The following ZNF577 variants were observed in gnomAD, a reference collection of about 807,000 sequenced individuals.
ZNF577 encodes the protein zinc finger protein 577.
A neutral mutation model predicts 13.9 loss-of-function variants in ZNF577; 14 were observed. The ratio of observed to expected loss-of-function variants is 1.00; its 90% CI spans 0.66 to 1.57. The LOEUF (loss-of-function observed/expected upper bound fraction) is 1.57, where lower values mean the gene tolerates loss of function less well. Among genes scored for constraint, ZNF577 ranks in the 40% most tolerant of loss-of-function variants. The pLI is 0.00. For missense variants in ZNF577, 555 were observed against 579.2 expected (o/e 0.96, Z 0.43); for synonymous variants, 203 against 202.9 (o/e 1.00, Z 0.00).
downstream of ZNF577, among the ~76,000 whole-genome samples, chr19:51,863,778 G>T (rs2084529657): frequency 6.6e-6 from 1 of 152,278 alleles, no homozygotes. Flanking sequence ...GAATGTAAAA[G>T]AGATAAACAG....
intron 9 of ZNF577, among the ~76,000 whole-genome samples, chr19:51,828,963 C>A (rs2084246476): frequency 6.6e-6 from 1 of 152,080 alleles, no homozygotes; most frequent in South Asian, 2.1e-4. Context: ...TCTAATCAGG[C>A]CCCTGGTGAC....
Position 51,873,278 on chromosome 19 carries a change from C to CT in ZNF577, c.711dup (p.Gly238ArgfsTer22). 4 of 1,613,308 alleles carry CT rather than the reference C, an allele frequency of 2.5e-6. No homozygotes were observed. Among genetic ancestry groups the CT allele is most frequent in the Non-Finnish European group, 3.4e-6 (4 of 1,179,318 alleles). On this transcript the variant is annotated frameshift_variant, in exon 6 of 6. Transcript: ENST00000638348. LOFTEE classifies it low-confidence loss of function (END_TRUNC). ...TTGCTGCATCTGTAGGGTTTCTCTCCTGTATGGGTTCTCTGATGGACCATG... is the reference window on the plus strand; with the variant it reads ...TTGCTGCATCTGTAGGGTTTCTCTCCTTGTATGGGTTCTCTGATGGACCATG...
chr19:51,842,350 A>G (rs574089708), intron 8 of ZNF577, among the ~76,000 whole-genome samples: 3 of 152,300 alleles, frequency 2.0e-5, no homozygotes, highest in Admixed American at 2.0e-4. Context: ...GGAGGTGTCT[A>G]GGTCATGAGG....
chr19:51,879,280 A>C (rs1382014642), intron 3 of ZNF577, among the ~76,000 whole-genome samples: 1 of 149,938 alleles, frequency 6.7e-6, no homozygotes, highest in African/African-American at 2.5e-5. Context: ...AAAAAAAAGT[A>C]ATAATATGGC....
At chr19:51,848,136 C>T (rs2084363231) in intron 5 of ZNF577, among the ~76,000 whole-genome samples, 1 of 152,204 alleles carries the variant, frequency 6.6e-6, no homozygotes, top group African/African-American at 2.4e-5. Flanking sequence ...CTTCTAAAGA[C>T]CTCTCATCCT....
Position 51,877,347 on chromosome 19 carries a change from A to T in ZNF577, c.218T>A (p.Phe73Tyr), listed in dbSNP as rs1349027046. The T allele has an allele frequency of 1.2e-6, 2 of 1,613,996 alleles. No homozygotes were observed. The highest frequency in any genetic ancestry group is 1.7e-6 in the Non-Finnish European group (2 of 1,180,016). ...GYRGTKPDSL[F>Y]KLEQGEPPGI... is the part of the protein sequence containing the mutation. ...TGGGGGTTCTCCTTGCTCCAACTTG[A>T]AGAGCGAATCTGGCTTGGTGCCTCG... Residue 73 changes from phenylalanine (F) to tyrosine (Y), a missense_variant, in exon 5 of 6, where the codon TTC becomes TAC. Transcript: ENST00000638348.
At position 51,872,764 on chromosome 19, in the gene ZNF577, G is replaced by C. The variant is rs1325808532; in HGVS notation, c.1226C>G (p.Thr409Ser). The C allele has an allele frequency of 1.2e-6, 2 of 1,614,214 alleles. No homozygotes were observed. Among genetic ancestry groups the C allele is most frequent in the South Asian group, 2.2e-5 (2 of 91,084 alleles). The change falls in exon 6 of 6, where the codon ACT (threonine) becomes AGT (serine). Residue 409 changes from threonine to serine, a missense_variant. Coordinates refer to ENST00000638348, the MANE Select transcript of ZNF577 (RefSeq NM_001370449.1). ...YMSELIQEQK[T>S]VNTVPIEMPS... is the part of the protein sequence containing the mutation. ...CATTTCTATAGGTACTGTGTTCACAGTCTTTTGCTCTTGTATGAGTTCGCT... is the reference window on the plus strand; with the variant it reads ...CATTTCTATAGGTACTGTGTTCACACTCTTTTGCTCTTGTATGAGTTCGCT...
In ZNF577 at chr19:51,877,373, A is replaced by G. The variant is rs375907992; in HGVS notation, c.192T>C (p.Tyr64=). 1 of 1,613,894 alleles carries G rather than the reference A, an allele frequency of 6.2e-7. No individual in the cohort carries two copies. Among genetic ancestry groups the G allele is most frequent in the Non-Finnish European group, 8.5e-7 (1 of 1,179,848 alleles). The change falls in exon 5 of 6, where the codon TAT becomes TAC. Residue 64 remains tyrosine, a synonymous_variant. Transcript: ENST00000638348. ...ENYINLVSIG[Y]RGTKPDSLFK... Reference sequence around the variant, plus strand: ...AGAGCGAATCTGGCTTGGTGCCTCGATACCCTGTAAATGGGAGATCACTGA... The same window carrying G: ...AGAGCGAATCTGGCTTGGTGCCTCGGTACCCTGTAAATGGGAGATCACTGA...
Position 51,815,252 on chromosome 19 carries a change from T to C in ZNF577, c.*600-3578A>G, listed in dbSNP as rs2084126809. ...ACTTTCAGGAAGGGGAAGTGGGGAC[T>C]GGAGATTGAGCTCTATAAAAAAATG... On this transcript the variant is annotated intron_variant and NMD_transcript_variant, in intron 9 of 10. Transcript: ENST00000638827. 3.3e-5 allele frequency among the ~76,000 whole-genome samples: 5 copies of C among 152,206 alleles called. No individual in the cohort carries two copies. The South Asian group carries it at 1.0e-3, about 32-fold the overall frequency.
At chr19:51,866,268 G>C (rs1296096602), downstream of ZNF577, among the ~76,000 whole-genome samples, 1 of 151,992 alleles carries the variant, frequency 6.6e-6, no homozygotes, top group Non-Finnish European at 1.5e-5. Context: ...CAGCTCGGCA[G>C]ATTCAACATC....
rs2122499477 is a variant in ZNF577 at position 51,824,338 on chromosome 19, T to C, written c.*600-12664A>G. 3 of 1,614,190 alleles carry C rather than the reference T, an allele frequency of 1.9e-6. No individual in the cohort carries two copies. The highest frequency in any genetic ancestry group is 1.3e-5 in the African/African-American group (1 of 75,072). On this transcript the variant is annotated intron_variant and NMD_transcript_variant, in intron 9 of 10. Coordinates refer to the ZNF577 transcript ENST00000638827. This position sits in a 1 kb window ranked among gnomAD's most constrained non-coding sequence, Gnocchi z 4.7. The stretch of plus-strand genomic sequence containing the variant: ...GAGAGGTTGAACGTGTTCATTACCA[T>C]GGCCAAGGTCTTTCTGATCCTCCAC...
intron 5 of ZNF577, chr19:51,861,256 T>C (rs2084497260): frequency 4.5e-6 from 1 of 222,214 alleles, no homozygotes; most frequent in Non-Finnish European, 8.2e-6. Flanking sequence ...GTAGTTAGGA[T>C]TACAGGTGTG....
At chr19:51,847,867 C>T (rs142637644) in intron 5 of ZNF577, among the ~76,000 whole-genome samples, 2 of 152,186 alleles carry the variant, frequency 1.3e-5, no homozygotes, top group Non-Finnish European at 2.9e-5. Flanking sequence ...TCCTCTTCTG[C>T]TCACTGGGCT....
rs267605626 is a variant in ZNF577, at chr19:51,824,414, G to T, written c.*600-12740C>A. The T allele has an allele frequency of 6.2e-7, 1 of 1,613,982 alleles. No homozygotes were observed. The highest frequency in any genetic ancestry group is 8.5e-7 in the Non-Finnish European group (1 of 1,180,030). On this transcript the variant is annotated intron_variant and NMD_transcript_variant, in intron 9 of 10. Transcript: ENST00000638827. This position sits in a 1 kb window ranked among gnomAD's most constrained non-coding sequence, Gnocchi z 4.7. The stretch of plus-strand genomic sequence containing the variant: ...TGTCCATCATCACAGTCTGCTATGG[G>T]ATCATCGCTGCCAAAATTCACAGAA...
intron 8 of ZNF577, chr19:51,840,510 C>T (rs979876698): frequency 1.3e-5 from 2 of 152,178 alleles, no homozygotes; most frequent in South Asian, 2.1e-4. Flanking sequence ...CACCTGGGTA[C>T]ATTTGGGTGT....
rs1182740704 is a variant in ZNF577, at chr19:51,855,739, T to C, written c.284-10808A>G. 5 of 152,330 alleles carry C rather than the reference T, an allele frequency of 3.3e-5. No homozygotes were observed. In the East Asian group the frequency reaches 7.7e-4, roughly 23 times the overall value. 9.4% of individuals were successfully genotyped at this position (152,330 alleles called of 1,614,324 possible). A position where few individuals can be genotyped will look rare whatever the true frequency, so the allele number is the denominator to read the frequency against. On this transcript the variant is annotated intron_variant and NMD_transcript_variant, in intron 5 of 10. Transcript: ENST00000638827. ...GACCAGTGCCCTAGTATCGCACTTT[T>C]CCTTCAAAGTGAGCTTTGAGTCAGG...
chr19:51,849,815 G>A (rs1222737177), intron 5 of ZNF577, among the ~76,000 whole-genome samples: 2 of 152,170 alleles, frequency 1.3e-5, no homozygotes, highest in African/African-American at 4.8e-5. Context: ...GAAAAACCCA[G>A]ATGCCTATCA....
At chr19:51,852,933 CT>C (rs112665914) in intron 5 of ZNF577, among the ~76,000 whole-genome samples, 39 of 144,006 alleles carry the variant, frequency 2.7e-4, no homozygotes, top group Admixed American at 9.6e-4. Flanking sequence ...GTTTTCTTTT[CT>C]TTTTTTTTTT....
At chr19:51,864,283 T>C (rs944565172), downstream of ZNF577, among the ~76,000 whole-genome samples, 2 of 152,186 alleles carry the variant, frequency 1.3e-5, no homozygotes, top group Admixed American at 1.3e-4. Flanking sequence ...CGCAACACTT[T>C]TGTCAAAATC....
Sources: allele counts gnomAD v4.1 joint callset (sites outside exome capture counted in the v4.1 genomes callset), GRCh38; gene constraint gnomAD v4.1.1; non-coding constraint Gnocchi (gnomAD v3.1); transcripts MANE v1.5; gene names NCBI Gene and HGNC (gene_info 2026-07-23, HGNC 2026-07-21).